GALNT17: variants seen among roughly 807,000 people sequenced by gnomAD.
The protein encoded by GALNT17 is polypeptide N-acetylgalactosaminyltransferase 17.
A neutral mutation model predicts 63.7 loss-of-function variants in GALNT17; 29 were observed. The ratio of observed to expected loss-of-function variants is 0.46; its 90% CI spans 0.34 to 0.62. The LOEUF (loss-of-function observed/expected upper bound fraction) is 0.62. Among genes scored for constraint, GALNT17 ranks in the 20% least tolerant of loss-of-function variants. The pLI is 0.01. For synonymous variants in GALNT17, 305 were observed against 318.3 expected, an observed-to-expected ratio of 0.96 and a Z score of 0.45; for missense variants, 603 against 799.6, an observed-to-expected ratio of 0.75 and a Z score of 2.97.
chr7:71,382,680 G>A (rs766394473), intron 2 of GALNT17, among the ~76,000 whole-genome samples: 4 of 152,118 alleles, frequency 2.6e-5, no homozygotes, highest in Non-Finnish European at 5.9e-5. Context: ...CAGTGACAAG[G>A]TTCTGATGAG....
chr7:71,643,106 G>A (rs1455638875), intron 6 of GALNT17, among the ~76,000 whole-genome samples: 1 of 152,118 alleles, frequency 6.6e-6, no homozygotes, highest in Admixed American at 6.5e-5. Context: ...GACCTGGGGT[G>A]GTCTCTGGAG....
At chr7:71,609,392 G>A (rs958955869) in intron 6 of GALNT17, among the ~76,000 whole-genome samples, 3 of 152,192 alleles carry the variant, frequency 2.0e-5, no homozygotes, top group African/African-American at 7.2e-5. Context: ...CCACTGTGGA[G>A]GTGAAGAAAG....
At chr7:71,503,682 A>C (rs1259153226) in intron 5 of GALNT17, among the ~76,000 whole-genome samples, 1 of 152,222 alleles carries the variant, frequency 6.6e-6, no homozygotes, top group Non-Finnish European at 1.5e-5. Flanking sequence ...TTGCAGGTTC[A>C]TGAGAGTGTG....
intron 1 of GALNT17, among the ~76,000 whole-genome samples, chr7:71,136,894 C>T (rs565012606): frequency 2.0e-5 from 3 of 151,978 alleles, no homozygotes; most frequent in Non-Finnish European, 4.4e-5. Flanking sequence ...TCAAGTGATC[C>T]TCCCACCTCA....
chr7:71,164,145 A>G (rs1343925086), intron 1 of GALNT17, among the ~76,000 whole-genome samples: 1 of 152,152 alleles, frequency 6.6e-6, no homozygotes, highest in Non-Finnish European at 1.5e-5. Context: ...TTATGCATGG[A>G]AAAAGTCATG....
intron 1 of GALNT17, among the ~76,000 whole-genome samples, chr7:71,223,762 TTGATGTGTTC>T (rs1287361013): frequency 6.6e-6 from 1 of 152,132 alleles, no homozygotes; most frequent in African/African-American, 2.4e-5. Context: ...CCTCTTTGTG[TTGATGTGTTC>T]TCATCATTTA....
In GALNT17 at chr7:71,184,938, CACTTCCTTCCTTCCTT is replaced by C. The variant is rs1218542207; in HGVS notation, c.238+51899_238+51914del. Among the ~76,000 whole-genome samples, 49 of 76,562 alleles carry C rather than the reference CACTTCCTTCCTTCCTT, an allele frequency of 6.4e-4. 2 individuals are homozygous for C. Among genetic ancestry groups the C allele is most frequent in the African/African-American group, 2.0e-3 (32 of 16,088 alleles). The allele number at this position is 76,562 out of a possible 152,430, so 50.2% of individuals were successfully genotyped here. A position where few individuals can be genotyped will look rare whatever the true frequency, so the allele number is the denominator to read the frequency against. ...ACCCACCCTCCCTCCCTCCCTTCCT[CACTTCCTTCCTTCCTT>C]CCTTCCTTCCTTCCTTCCTTCCTTC... is the stretch of plus-strand genomic sequence containing the variant. On this transcript the variant is annotated intron_variant, in intron 1 of 10. Transcript: ENST00000333538.
At chr7:71,657,121 A>T (rs1039064433) in intron 6 of GALNT17, among the ~76,000 whole-genome samples, 1 of 152,150 alleles carries the variant, frequency 6.6e-6, no homozygotes, top group African/African-American at 2.4e-5. Flanking sequence ...ACAAGACCAG[A>T]CCTTGAATAT....
At chr7:71,628,800 C>T (rs1004449215) in intron 6 of GALNT17, among the ~76,000 whole-genome samples, 19 of 152,072 alleles carry the variant, frequency 1.2e-4, no homozygotes, top group East Asian at 3.9e-4. Flanking sequence ...GGTGTGGTGG[C>T]AAACGCCTGT....
chr7:71,221,415 A>G (rs1169066705), intron 1 of GALNT17, among the ~76,000 whole-genome samples: 5 of 132,614 alleles, frequency 3.8e-5, no homozygotes, highest in African/African-American at 1.2e-4. Flanking sequence ...TTCCAACCCT[A>G]CAACTTGTTC....
chr7:71,610,943 G>T (rs1273755466), intron 6 of GALNT17, among the ~76,000 whole-genome samples: 1 of 141,852 alleles, frequency 7.0e-6, no homozygotes, highest in African/African-American at 2.6e-5. Flanking sequence ...CCGAGATCAC[G>T]CCACTGCACT....
intron 5 of GALNT17, among the ~76,000 whole-genome samples, chr7:71,544,904 C>T (rs964131683): frequency 3.3e-5 from 5 of 151,126 alleles, no homozygotes; most frequent in African/African-American, 1.2e-4. Context: ...ACCCCCATCA[C>T]ATCGGGATTT....
At chr7:71,475,485 G>A (rs1472141216) in intron 5 of GALNT17, among the ~76,000 whole-genome samples, 8 of 152,130 alleles carry the variant, frequency 5.3e-5, no homozygotes, top group African/African-American at 1.4e-4. Context: ...GGGTTTCTGC[G>A]TCCATAAGAA....
chr7:71,317,985 G>T (rs77396276), intron 1 of GALNT17, among the ~76,000 whole-genome samples: 1 of 151,930 alleles, frequency 6.6e-6, no homozygotes, highest in Non-Finnish European at 1.5e-5. Context: ...GCAATGGTGT[G>T]ATTGCAGCTC....
intron 1 of GALNT17, among the ~76,000 whole-genome samples, chr7:71,212,361 G>A (rs1422990714): frequency 2.6e-5 from 4 of 152,256 alleles, no homozygotes; most frequent in Admixed American, 6.5e-5. Flanking sequence ...TTTAAAAGAT[G>A]TATGGAAAAA....
intron 8 of GALNT17, among the ~76,000 whole-genome samples, chr7:71,672,075 A>G (rs1791079926): frequency 6.6e-6 from 1 of 151,854 alleles, no homozygotes; most frequent in Non-Finnish European, 1.5e-5. Context: ...AACAGTAATT[A>G]TTAATAGATC....
At chr7:71,602,028 G>T (rs752123363) in intron 6 of GALNT17, among the ~76,000 whole-genome samples, 13 of 152,192 alleles carry the variant, frequency 8.5e-5, no homozygotes, top group Non-Finnish European at 1.5e-4. Flanking sequence ...GCTGACCCGT[G>T]CAAGACTGGC....
At chr7:71,337,840 C>T (rs1186599442) in intron 2 of GALNT17, among the ~76,000 whole-genome samples, 3 of 151,936 alleles carry the variant, frequency 2.0e-5, no homozygotes, top group African/African-American at 7.3e-5. Context: ...TGCACTCCAG[C>T]CTGGGTGACA....
chr7:71,263,780 C>T (rs1203472277), intron 1 of GALNT17, among the ~76,000 whole-genome samples: 1 of 151,586 alleles, frequency 6.6e-6, no homozygotes, highest in African/African-American at 2.4e-5. Flanking sequence ...AAAAAGTTAG[C>T]CGGCGTGGTG....
Sources: allele counts gnomAD v4.1 joint callset (sites outside exome capture counted in the v4.1 genomes callset), GRCh38; gene constraint gnomAD v4.1.1; transcripts MANE v1.5; gene names NCBI Gene and HGNC (gene_info 2026-07-23, HGNC 2026-07-21).